Variants in CD83 observed in about 807,000 individuals in gnomAD.
CD83 encodes CD83 molecule, also known as CD83 antigen.
A neutral mutation model predicts 24.6 loss-of-function variants in CD83; 22 were observed. The ratio of observed to expected loss-of-function variants is 0.90; its 90% CI spans 0.64 to 1.28. The LOEUF is 1.28. Among genes scored for constraint, CD83 ranks in the 50% most tolerant of loss-of-function variants. The probability of loss-of-function intolerance (pLI) is 0.00; values close to 1 mark genes in which losing one functional copy is unlikely to be tolerated. For missense variants in CD83, 253 were observed against 252.8 expected (o/e 1.00, Z -0.01); for synonymous variants, 101 against 103.5 (o/e 0.98, Z 0.14).
rs9296922 is a variant in CD83 at position 14,129,525 on chromosome 6, C to T, written c.154-1995C>T. Among the ~76,000 whole-genome samples, 6,570 of 152,234 alleles carry T rather than the reference C, an allele frequency of 0.043. 482 individuals are homozygous for T. The highest frequency in any genetic ancestry group is 0.15 in the African/African-American group (6,255 of 41,502). On this transcript the variant is annotated intron_variant, in intron 2 of 4. Transcript: ENST00000379153. This position sits in a 1 kb window ranked among gnomAD's most constrained non-coding sequence, Gnocchi z 4.3. Reference sequence around the variant, plus strand: ...CTCCTTTTTGTGCTTTATTTTTGCACACCTATGGGCCCCAGTCTTTTAGCT... The same window carrying T: ...CTCCTTTTTGTGCTTTATTTTTGCATACCTATGGGCCCCAGTCTTTTAGCT...
chr6:14,117,760 C>T (rs1229850169), upstream of CD83: 6 of 1,338,936 alleles, frequency 4.5e-6, no homozygotes, highest in East Asian at 1.2e-4. This position sits in a 1 kb window ranked among gnomAD's most constrained non-coding sequence, Gnocchi z 4.6. Flanking sequence ...GGGCAGCCGG[C>T]GCCCGCGCGC....
At chr6:14,128,640 G>C (rs911276587) in intron 2 of CD83, among the ~76,000 whole-genome samples, 1 of 152,218 alleles carries the variant, frequency 6.6e-6, no homozygotes, top group African/African-American at 2.4e-5. Flanking sequence ...AGATGACCCT[G>C]TGAGAGTTGA....
Position 14,118,118 on chromosome 6 carries a change from G to C in CD83, c.153+53G>C, listed in dbSNP as rs1455609281. The C allele has an allele frequency of 5.2e-6, 7 of 1,334,402 alleles. No homozygotes were observed. In the Admixed American group the frequency reaches 6.2e-5, roughly 12 times the overall value. The allele number at this position is 1,334,402 out of a possible 1,614,324, so 82.7% of individuals were successfully genotyped here. A position where few individuals can be genotyped will look rare whatever the true frequency, so the allele number is the denominator to read the frequency against. ...GGTTTGGTGGGCTCATTTGAAGACA[G>C]CAGGAACCATCTCCCCTAGGCTGGC... On this transcript the variant is annotated intron_variant, in intron 2 of 4. Coordinates refer to ENST00000379153, the MANE Select transcript of CD83 (RefSeq NM_004233.4).
intron 3 of CD83, among the ~76,000 whole-genome samples, 158 bp from the exon 4 acceptor site, chr6:14,133,491 G>A (rs1037520236): frequency 6.6e-6 from 1 of 152,240 alleles, no homozygotes; most frequent in African/African-American, 2.4e-5. Flanking sequence ...GCCGGCTGCT[G>A]CTGTCACCTT....
In CD83 at chr6:14,122,514, G is replaced by A. The variant is rs113726356; in HGVS notation, c.153+4449G>A. 3.2e-3 allele frequency among the ~76,000 whole-genome samples: 494 copies of A among 152,160 alleles called. 3 individuals carry two copies. Among genetic ancestry groups the A allele is most frequent in the African/African-American group, 0.011 (471 of 41,510 alleles). ...GGAGCCAGTACTGAACACTTACTGTGCTTCCTTGATTCCAGAATGATTCTG... is the reference window on the plus strand; with the variant it reads ...GGAGCCAGTACTGAACACTTACTGTACTTCCTTGATTCCAGAATGATTCTG... On this transcript the variant is annotated intron_variant, in intron 2 of 4. Coordinates refer to ENST00000379153, the MANE Select transcript of CD83 (RefSeq NM_004233.4).
Position 14,135,139 on chromosome 6 carries a change from AT to A in CD83, c.526del (p.Ser176LeufsTer19). 5 of 1,613,948 alleles carry A rather than the reference AT, an allele frequency of 3.1e-6. No homozygotes were observed. Among genetic ancestry groups the A allele is most frequent in the Non-Finnish European group, 4.2e-6 (5 of 1,179,894 alleles). ...GCACGGCTACAGAGTATCTTCCCAG[AT>A]TTTTCTAAAGCTGGCATGGAACGAG... ...KFARLQSIFP[D>X]FSKAGMERAF... On this transcript the variant is annotated frameshift_variant, in exon 5 of 5. Transcript: ENST00000379153. LOFTEE classifies it high-confidence loss of function.
At position 14,131,507 on chromosome 6, in the gene CD83, T is replaced by A. The variant is rs769264901; in HGVS notation, c.154-13T>A. On this transcript the variant is annotated splice_polypyrimidine_tract_variant and intron_variant, in intron 2 of 4. Coordinates refer to ENST00000379153, the MANE Select transcript of CD83 (RefSeq NM_004233.4). ...GCAGTGGACCGTGATGCGCTCTGAT[T>A]CCTTCTTCACAGTTATTGGAGGGTG... 22 of 1,599,802 alleles carry A rather than the reference T, an allele frequency of 1.4e-5. No homozygotes were observed. The highest frequency in any genetic ancestry group is 1.9e-5 in the Non-Finnish European group (22 of 1,167,170).
rs113995467 is a variant in CD83, at chr6:14,130,975, C to T, written c.154-545C>T. 5.5e-3 allele frequency among the ~76,000 whole-genome samples: 834 copies of T among 152,332 alleles called. 12 individuals are homozygous for T. Among genetic ancestry groups the T allele is most frequent in the African/African-American group, 0.019 (777 of 41,572 alleles). ...TTCGGCGACGTCAGGCATGACCACA[C>T]AGAGACACAGCCCTTGAGGAACAAG... On this transcript the variant is annotated intron_variant, in intron 2 of 4. Coordinates refer to ENST00000379153, the MANE Select transcript of CD83 (RefSeq NM_004233.4).
intron 2 of CD83, among the ~76,000 whole-genome samples, chr6:14,127,810 T>TA (rs1402106070): frequency 6.6e-6 from 1 of 152,216 alleles, no homozygotes; most frequent in African/African-American, 2.4e-5. Context: ...CCAAAAATGA[T>TA]AGAGTTGTCA....
In CD83 at chr6:14,118,106, C is replaced by T. The variant is rs765918140; in HGVS notation, c.153+41C>T. 2.2e-5 allele frequency: 31 copies of T among 1,418,894 alleles called. No individual in the cohort carries two copies. The South Asian group carries it at 2.3e-4, about 11-fold the overall frequency. The allele number at this position is 1,418,894 out of a possible 1,614,324, so 87.9% of individuals were successfully genotyped here. A position where few individuals can be genotyped will look rare whatever the true frequency, so the allele number is the denominator to read the frequency against. On this transcript the variant is annotated intron_variant, in intron 2 of 4. Transcript: ENST00000379153. Reference sequence around the variant, plus strand: ...CCCACGGGCTGGGGTTTGGTGGGCTCATTTGAAGACAGCAGGAACCATCTC... The same window carrying T: ...CCCACGGGCTGGGGTTTGGTGGGCTTATTTGAAGACAGCAGGAACCATCTC...
intron 2 of CD83, among the ~76,000 whole-genome samples, chr6:14,128,596 T>G (rs181480923): frequency 6.6e-6 from 1 of 152,330 alleles, no homozygotes; most frequent in African/African-American, 2.4e-5. Flanking sequence ...TTGCGGATAG[T>G]TCTCTGGGTC....
chr6:14,120,285 A>G (rs1475325786), intron 2 of CD83, among the ~76,000 whole-genome samples: 1 of 152,136 alleles, frequency 6.6e-6, no homozygotes, highest in Non-Finnish European at 1.5e-5. Context: ...GATACTTATT[A>G]TTTTCCAGCC....
At chr6:14,128,170 G>GAAAT (rs1759864615) in intron 2 of CD83, among the ~76,000 whole-genome samples, 1 of 152,188 alleles carries the variant, frequency 6.6e-6, no homozygotes. Flanking sequence ...CCCATTTGCT[G>GAAAT]TTACTCCGTT....
At chr6:14,117,526 C>G (rs965464386), upstream of CD83, 8 of 149,678 alleles carry the variant, frequency 5.3e-5, no homozygotes, top group African/African-American at 1.7e-4. This position sits in a 1 kb window ranked among gnomAD's most constrained non-coding sequence, Gnocchi z 4.6. Flanking sequence ...GCGACGCGAA[C>G]TCGGGGCGCC....
intron 2 of CD83, among the ~76,000 whole-genome samples, chr6:14,125,995 A>G (rs956816262): frequency 4.6e-5 from 7 of 152,180 alleles, no homozygotes; most frequent in Non-Finnish European, 1.0e-4. Context: ...AGCATTACCA[A>G]TTATACAGCA....
At chr6:14,128,837 C>T (rs745910864) in intron 2 of CD83, among the ~76,000 whole-genome samples, 31 of 152,252 alleles carry the variant, frequency 2.0e-4, no homozygotes, top group Middle Eastern at 3.4e-3. Context: ...GAAATCTAAC[C>T]GTCAAATAAA....
intron 2 of CD83, among the ~76,000 whole-genome samples, chr6:14,119,801 T>C (rs567371790): frequency 2.0e-5 from 3 of 152,342 alleles, no homozygotes; most frequent in Non-Finnish European, 4.4e-5. Flanking sequence ...ACATTATTAA[T>C]ACCCCCAGGG....
chr6:14,129,833 C>CTCTGTGTGTGTGTGTGTGTG lies in CD83; in HGVS notation c.154-1686_154-1685insCTGTGTGTGTGTGTGTGTGT, dbSNP rs367556018. 5.4e-5 allele frequency among the ~76,000 whole-genome samples: 8 copies of CTCTGTGTGTGTGTGTGTGTG among 147,708 alleles called. No individual in the cohort carries two copies. Among genetic ancestry groups the CTCTGTGTGTGTGTGTGTGTG allele is most frequent in the African/African-American group, 2.0e-4 (8 of 40,272 alleles). On this transcript the variant is annotated intron_variant, in intron 2 of 4. Transcript: ENST00000379153. This position sits in a 1 kb window ranked among gnomAD's most constrained non-coding sequence, Gnocchi z 4.3. Reference sequence around the variant, plus strand: ...GAATTAATAAATGAAGCAGAAATGACTGTGTGTGTGTGTGTGTGTGTGTGT... The same window carrying CTCTGTGTGTGTGTGTGTGTG: ...GAATTAATAAATGAAGCAGAAATGACTCTGTGTGTGTGTGTGTGTGTGTGTGTGTGTGTGTGTGTGTGTGT...
chr6:14,124,396 G>T lies in CD83; in HGVS notation c.153+6331G>T, dbSNP rs1232821282. 2.0e-5 allele frequency among the ~76,000 whole-genome samples: 3 copies of T among 152,338 alleles called. No individual in the cohort carries two copies. In the East Asian group the frequency reaches 5.8e-4, roughly 29 times the overall value. On this transcript the variant is annotated intron_variant, in intron 2 of 4. Transcript: ENST00000379153. The stretch of plus-strand genomic sequence containing the variant: ...AGAGCTGGTAGCTGCCTAGGATTAT[G>T]GGTCCACATAGGGAAAACCTTTAGG...
Sources: allele counts gnomAD v4.1 joint callset (sites outside exome capture counted in the v4.1 genomes callset), GRCh38; gene constraint gnomAD v4.1.1; non-coding constraint Gnocchi (gnomAD v3.1); transcripts MANE v1.5; gene names NCBI Gene and HGNC (gene_info 2026-07-23, HGNC 2026-07-21).